SIDT1: variants seen among roughly 807,000 people sequenced by gnomAD.
SIDT1 encodes the protein SID1 transmembrane family, member 1.
SIDT1 carries 101 observed loss-of-function variants against 107.5 expected under a neutral mutation model. That is an observed-to-expected ratio of 0.94 (90% CI 0.80 to 1.11). The LOEUF (loss-of-function observed/expected upper bound fraction) is 1.11. Ranked by LOEUF, SIDT1 falls within the 50% of genes least tolerant of loss-of-function variation. The pLI is 0.00. For missense variants in SIDT1, 1,076 were observed against 1,058.2 expected, an observed-to-expected ratio of 1.02 and a Z score of -0.23; for synonymous variants, 395 against 398.2, an observed-to-expected ratio of 0.99 and a Z score of 0.10.
Position 113,611,147 on chromosome 3 carries a change from G to A in SIDT1, c.1857+3G>A, listed in dbSNP as rs555771650. The A allele has an allele frequency of 1.0e-3, 1,687 of 1,613,290 alleles. 40 individuals carry two copies. In the South Asian group the frequency reaches 0.018, roughly 17 times the overall value. ...TCATGGTCACCGTCCTTGGAGTGGT[G>A]CGTCCCCCACCTTCTTCCACCTGGC... On this transcript the variant is annotated splice_donor_region_variant and intron_variant, in intron 18 of 24. Coordinates refer to ENST00000264852, the MANE Select transcript of SIDT1 (RefSeq NM_017699.3).
At chr3:113,560,721 T>G (rs1020646643) in intron 1 of SIDT1, among the ~76,000 whole-genome samples, 1 of 152,232 alleles carries the variant, frequency 6.6e-6, no homozygotes, top group African/African-American at 2.4e-5. Context: ...ATTCTTAATC[T>G]AATATTCCAA....
At chr3:113,581,959 G>C (rs1011875238) in intron 6 of SIDT1, 2 of 154,174 alleles carry the variant, frequency 1.3e-5, no homozygotes, top group African/African-American at 4.8e-5. Context: ...ATGGTGCGAT[G>C]GGACGTGTAT....
the SIDT1 span, among the ~76,000 whole-genome samples, chr3:113,636,476 G>C: frequency 3.3e-5 from 5 of 152,022 alleles, no homozygotes; most frequent in Admixed American, 6.6e-5. Context: ...AAAAAGGTGG[G>C]GGGGATATAA....
chr3:113,601,969 A>G, intron 11 of SIDT1: 1 of 258,312 alleles, frequency 3.9e-6, no homozygotes, highest in Non-Finnish European at 7.4e-6. Context: ...GGCATGAAAG[A>G]TGTGTCCCAG....
chr3:113,625,417 G>T (rs1306219030), intron 23 of SIDT1, among the ~76,000 whole-genome samples: 4 of 152,132 alleles, frequency 2.6e-5, no homozygotes, highest in African/African-American at 9.7e-5. Context: ...GGGATTACAG[G>T]TGTGAGCCAC....
intron 10 of SIDT1, among the ~76,000 whole-genome samples, chr3:113,597,621 C>G (rs1944667518): frequency 6.6e-6 from 1 of 152,042 alleles, no homozygotes; most frequent in Admixed American, 6.6e-5. Context: ...AATATGAAGT[C>G]CCTGAAAGAC....
intron 1 of SIDT1, among the ~76,000 whole-genome samples, chr3:113,536,089 C>T (rs377359003): frequency 3.9e-5 from 6 of 152,208 alleles, no homozygotes; most frequent in South Asian, 2.1e-4. Flanking sequence ...CATACTGTTC[C>T]GACAATTTAC....
chr3:113,545,289 T>G (rs1939465950), intron 1 of SIDT1, among the ~76,000 whole-genome samples: 1 of 152,154 alleles, frequency 6.6e-6, no homozygotes. Flanking sequence ...TTAAATTCAT[T>G]GTTCTTTCTA....
intron 1 of SIDT1, among the ~76,000 whole-genome samples, chr3:113,554,395 C>T (rs1462516111): frequency 1.3e-5 from 2 of 152,164 alleles, no homozygotes; most frequent in South Asian, 4.1e-4. Context: ...CCCGTAATCC[C>T]CATGTGTCAT....
chr3:113,563,421 A>G (rs1420117355), intron 1 of SIDT1, among the ~76,000 whole-genome samples: 1 of 152,224 alleles, frequency 6.6e-6, no homozygotes, highest in African/African-American at 2.4e-5. Context: ...GAATGGTGAA[A>G]ACTTCCTTGA....
In SIDT1 at chr3:113,580,634, C is replaced by A. The variant is rs777675286; in HGVS notation, c.588C>A (p.Asp196Glu). Reference sequence around the variant, plus strand: ...ATTTTCTATACAAGTTTCCCAAAGACGTGGACTCAGTTATCATTAAAGTGG... The same window carrying A: ...ATTTTCTATACAAGTTTCCCAAAGAAGTGGACTCAGTTATCATTAAAGTGG... ...PQYFLYKFPK[D>E]VDSVIIKVVS... The change falls in exon 5 of 25, where the codon GAC becomes GAA. Residue 196 changes from aspartate (D) to glutamate (E), a missense_variant. Coordinates refer to ENST00000264852, the MANE Select transcript of SIDT1 (RefSeq NM_017699.3). 1.2e-6 allele frequency: 2 copies of A among 1,609,802 alleles called. No homozygotes were observed. Among genetic ancestry groups the A allele is most frequent in the Non-Finnish European group, 8.5e-7 (1 of 1,176,346 alleles).
Position 113,592,915 on chromosome 3 carries a change from A to C in SIDT1, c.1002-90A>C, listed in dbSNP as rs564297351. 1,551 of 1,042,228 alleles carry C rather than the reference A, an allele frequency of 1.5e-3. 32 individuals are homozygous for C. In the South Asian group the frequency reaches 0.019, roughly 13 times the overall value. The allele number at this position is 1,042,228 out of a possible 1,614,324, so 64.6% of individuals were successfully genotyped here. On this transcript the variant is annotated intron_variant, in intron 9 of 24. Transcript: ENST00000264852. Reference sequence around the variant, plus strand: ...AGACATGTTTTGAAGAGATCCTAGTAGACAAATCCGCAACAAAATCTATAA... The same window carrying C: ...AGACATGTTTTGAAGAGATCCTAGTCGACAAATCCGCAACAAAATCTATAA...
chr3:113,559,136 T>G lies in SIDT1; in HGVS notation c.223-7284T>G, dbSNP rs549447413. Among the ~76,000 whole-genome samples, 4 of 152,364 alleles carry G rather than the reference T, an allele frequency of 2.6e-5. No individual in the cohort carries two copies. In the East Asian group the frequency reaches 7.7e-4, roughly 29 times the overall value. ...TTCCAAATTTTATTGTTGCAACCAA[T>G]GCTTGCAGTGAACATTCTTGTTTAT... On this transcript the variant is annotated intron_variant, in intron 1 of 24. Transcript: ENST00000264852.
At chr3:113,563,831 G>A (rs1941659081) in intron 1 of SIDT1, among the ~76,000 whole-genome samples, 1 of 152,178 alleles carries the variant, frequency 6.6e-6, no homozygotes. Flanking sequence ...TTTATCAAGT[G>A]GCATAATGGT....
At chr3:113,567,865 A>G (rs1263788869) in intron 3 of SIDT1, 155 bp downstream of exon 3, 2 of 700,082 alleles carry the variant, frequency 2.9e-6, no homozygotes, top group African/African-American at 3.6e-5. Context: ...ATAACTGAGC[A>G]GCAGGGCCTT....
chr3:113,614,995 A>G (rs1437267802), intron 19 of SIDT1: 19 of 1,496,108 alleles, frequency 1.3e-5, no homozygotes, highest in Admixed American at 2.0e-5. Flanking sequence ...AGTAGTTTAC[A>G]TGTTTGGCTA....
In SIDT1 at chr3:113,627,686, G is replaced by A. The variant is rs763173370; in HGVS notation, c.2462G>A (p.Arg821Lys). The A allele has an allele frequency of 8.1e-6, 13 of 1,613,714 alleles. No individual in the cohort carries two copies. The highest frequency in any genetic ancestry group is 3.4e-4 in the Middle Eastern group (2 of 5,812). Residue 821 changes from arginine (R) to lysine (K), a missense_variant, in exon 25 of 25, where the codon AGA becomes AAA. Physicochemically the swap from Arg to Lys is conservative, Grantham distance 26. Transcript: ENST00000264852. ...GATGATGACCTTGATGTGGTTCGGA[G>A]AGACCAGATCCCTGTCTTCTGAACC... ...TLDDDLDVVR[R>K]DQIPVF is the part of the protein sequence containing the mutation.
chr3:113,635,841 C>CAG, the SIDT1 span, among the ~76,000 whole-genome samples: 1 of 150,738 alleles, frequency 6.6e-6, no homozygotes, highest in Non-Finnish European at 1.5e-5. Flanking sequence ...TGCCACTGCA[C>CAG]CCCAGCCTGG....
intron 1 of SIDT1, among the ~76,000 whole-genome samples, chr3:113,562,020 G>C (rs147396215): frequency 1.3e-5 from 2 of 152,280 alleles, no homozygotes; most frequent in Admixed American, 6.5e-5. Flanking sequence ...CTGTATTACA[G>C]CCTCAAAAGT....
Sources: gnomAD v4.1 joint callset for allele counts (sites outside exome capture counted in the v4.1 genomes callset) on GRCh38, gnomAD v4.1.1 for gene constraint, MANE v1.5 for transcripts, NCBI Gene and HGNC (gene_info 2026-07-23, HGNC 2026-07-21) for gene names.